FRAS1: variants seen among roughly 807,000 people sequenced by gnomAD.
FRAS1 encodes the protein extracellular matrix organizing protein FRAS1.
In FRAS1, 290 loss-of-function variants were observed where a neutral mutation model predicts 435.2. The ratio of observed to expected loss-of-function variants is 0.67; its 90% confidence interval spans 0.61 to 0.73. FRAS1 has a LOEUF of 0.73. Among genes scored for constraint, FRAS1 ranks in the 30% least tolerant of loss-of-function variants. The probability of loss-of-function intolerance (pLI) is 0.00; values close to 1 mark genes in which losing one functional copy is unlikely to be tolerated. For missense variants in FRAS1, 4,860 were observed against 5,001.5 expected (o/e 0.97, Z 0.85); for synonymous variants, 1,800 against 1,851.0 (o/e 0.97, Z 0.71).
At chr4:78,275,023 G>A (rs1028016308) in intron 9 of FRAS1, among the ~76,000 whole-genome samples, 1 of 152,138 alleles carries the variant, frequency 6.6e-6, no homozygotes, top group South Asian at 2.1e-4. Flanking sequence ...ATATATTTAG[G>A]ATAGTTAGCT....
In FRAS1 at chr4:78,092,240, G is replaced by C. The variant is rs552784387; in HGVS notation, c.108+26224G>C. Among the ~76,000 whole-genome samples the C allele has an allele frequency of 2.0e-5, 3 of 152,276 alleles. No homozygotes were observed. In the East Asian group the frequency reaches 5.8e-4, roughly 29 times the overall value. ...TGTTATTTAAGCTACGCACAACTCA[G>C]GTCTCTGTCCTGTAGGCTGGATTGT... On this transcript the variant is annotated intron_variant, in intron 2 of 73. Coordinates refer to ENST00000512123, the MANE Select transcript of FRAS1 (RefSeq NM_025074.7).
intron 2 of FRAS1, among the ~76,000 whole-genome samples, chr4:78,182,907 A>T (rs1305218221): frequency 1.4e-5 from 2 of 139,754 alleles, no homozygotes; most frequent in Non-Finnish European, 3.1e-5. Flanking sequence ...AAAAAAAAAA[A>T]TGCCCAGAGG....
intron 2 of FRAS1, among the ~76,000 whole-genome samples, chr4:78,221,970 C>T (rs556943051): frequency 1.3e-5 from 2 of 152,270 alleles, no homozygotes; most frequent in South Asian, 2.1e-4. Flanking sequence ...CAGGTTTATC[C>T]TCAGTGTGAC....
At chr4:78,229,476 A>G (rs910256184) in intron 2 of FRAS1, among the ~76,000 whole-genome samples, 2 of 152,138 alleles carry the variant, frequency 1.3e-5, no homozygotes, top group African/African-American at 4.8e-5. Flanking sequence ...GGATGTGTGG[A>G]AGTTAGATTA....
At chr4:78,138,961 G>A (rs17002961) in intron 2 of FRAS1, among the ~76,000 whole-genome samples, 3,688 of 152,230 alleles carry the variant, frequency 0.024, 106 homozygotes, top group South Asian at 0.084. Context: ...CTTCTCTTGC[G>A]TGTGTGTACA....
At chr4:78,122,295 AG>A (rs1391503032) in intron 2 of FRAS1, among the ~76,000 whole-genome samples, 2 of 152,184 alleles carry the variant, frequency 1.3e-5, no homozygotes. Context: ...GTCCCTGCAA[AG>A]GACATTAACT....
At chr4:78,291,262 A>G (rs1727885049) in intron 14 of FRAS1, among the ~76,000 whole-genome samples, 2 of 152,202 alleles carry the variant, frequency 1.3e-5, no homozygotes, top group African/African-American at 4.8e-5. Flanking sequence ...TTCATGGAAG[A>G]CAATTTTTCC....
intron 2 of FRAS1, among the ~76,000 whole-genome samples, chr4:78,148,182 G>A (rs1448791141): frequency 6.6e-6 from 1 of 151,818 alleles, no homozygotes; most frequent in African/African-American, 2.4e-5. Flanking sequence ...TTTTTTCATT[G>A]GTGAGTAATA....
intron 15 of FRAS1, among the ~76,000 whole-genome samples, chr4:78,312,987 A>G (rs1048348143): frequency 1.3e-5 from 2 of 152,244 alleles, no homozygotes; most frequent in African/African-American, 4.8e-5. Flanking sequence ...AATTTTATTT[A>G]GATTTACAAA....
chr4:78,443,832 G>T (rs1386705508), intron 41 of FRAS1, among the ~76,000 whole-genome samples: 1 of 152,068 alleles, frequency 6.6e-6, no homozygotes, highest in East Asian at 1.9e-4. Context: ...ATATTTTTAG[G>T]CATCATTTAC....
intron 49 of FRAS1, among the ~76,000 whole-genome samples, chr4:78,465,827 C>A (rs1719510250): frequency 6.6e-6 from 1 of 152,158 alleles, no homozygotes; most frequent in Admixed American, 6.5e-5. Context: ...AAATGAGAAG[C>A]TAGCTTCTGT....
intron 2 of FRAS1, among the ~76,000 whole-genome samples, chr4:78,095,860 AT>A (rs1454164228): frequency 3.3e-5 from 5 of 152,298 alleles, no homozygotes; most frequent in East Asian, 3.9e-4. Context: ...GAGTGAAACC[AT>A]TATCATTCCA....
chr4:78,489,968 CAAAA>C (rs61568957), intron 59 of FRAS1, among the ~76,000 whole-genome samples: 21 of 92,610 alleles, frequency 2.3e-4, no homozygotes, highest in South Asian at 4.6e-4. Flanking sequence ...TAGTGGAAAA[CAAAA>C]AAAAAAAAAA....
chr4:78,233,583 C>A (rs1724604442), intron 2 of FRAS1, among the ~76,000 whole-genome samples: 1 of 152,178 alleles, frequency 6.6e-6, no homozygotes, highest in African/African-American at 2.4e-5. Flanking sequence ...AAATAAATTA[C>A]ATTTAATGGT....
chr4:78,345,002 C>A (rs572277276), intron 20 of FRAS1, among the ~76,000 whole-genome samples: 5 of 152,190 alleles, frequency 3.3e-5, no homozygotes, highest in Admixed American at 3.3e-4. Flanking sequence ...GAAGAATCTA[C>A]ATAATTGTCA....
At chr4:78,463,899 A>C in intron 47 of FRAS1, 122 bp from the exon 48 acceptor site, 1 of 1,087,942 alleles carries the variant, frequency 9.2e-7, no homozygotes, top group Admixed American at 2.2e-5. Flanking sequence ...TGGAGGAAAT[A>C]AATGCTATAA....
rs111569252 is a variant in FRAS1 at position 78,150,843 on chromosome 4, T to A, written c.108+84827T>A. The stretch of plus-strand genomic sequence containing the variant: ...GATTTATGCTCTGAGTGCAGAAAGA[T>A]GTTTGCATGTAATCATTGGATTTCT... On this transcript the variant is annotated intron_variant, in intron 2 of 73. Transcript: ENST00000512123. Among the ~76,000 whole-genome samples the A allele has an allele frequency of 5.9e-5, 9 of 152,352 alleles. 1 individual carries two copies. The highest frequency in any genetic ancestry group is 2.2e-4 in the African/African-American group (9 of 41,598).
chr4:78,392,770 G>A (rs1732501410), intron 29 of FRAS1, among the ~76,000 whole-genome samples: 1 of 151,610 alleles, frequency 6.6e-6, no homozygotes, highest in South Asian at 2.1e-4. Flanking sequence ...TCTTGAACTG[G>A]CAGGGATATA....
chr4:78,150,272 T>G (rs942270708), intron 2 of FRAS1, among the ~76,000 whole-genome samples: 1 of 152,194 alleles, frequency 6.6e-6, no homozygotes, highest in Non-Finnish European at 1.5e-5. Flanking sequence ...ACAAGATAAG[T>G]AGTTTTCAAA....
Sources: allele counts gnomAD v4.1 joint callset (sites outside exome capture counted in the v4.1 genomes callset), GRCh38; gene constraint gnomAD v4.1.1; transcripts MANE v1.5; gene names NCBI Gene and HGNC (gene_info 2026-07-23, HGNC 2026-07-21).